PDK1: variants seen among roughly 807,000 people sequenced by gnomAD.
PDK1 encodes [Pyruvate dehydrogenase (acetyl-transferring)] kinase isozyme 1, mitochondrial.
PDK1 carries 39 observed loss-of-function variants against 54.2 expected under a neutral mutation model. The observed-to-expected ratio is 0.72, with a 90% CI of 0.56 to 0.94. PDK1 has a LOEUF of 0.94. PDK1 is among the 40% of genes least tolerant of loss of function. The pLI, the probability that PDK1 is intolerant of heterozygous loss-of-function variation, is 0.00. For synonymous variants in PDK1, 221 were observed against 207.1 expected, an observed-to-expected ratio of 1.07 and a Z score of -0.58; for missense variants, 552 against 566.0, an observed-to-expected ratio of 0.98 and a Z score of 0.25.
At chr2:172,576,128 G>T (rs570368816) in intron 8 of PDK1, among the ~76,000 whole-genome samples, 1 of 151,894 alleles carries the variant, frequency 6.6e-6, no homozygotes, top group Non-Finnish European at 1.5e-5. Flanking sequence ...GGGTTTCACC[G>T]TGTTAGCCAG....
At chr2:172,555,796 C>T (rs1302928348), upstream of PDK1, 1 of 199,644 alleles carries the variant, frequency 5.0e-6, no homozygotes, top group Non-Finnish European at 1.0e-5. Context: ...AGTCCCATCA[C>T]CCGACGTGTA....
At chr2:172,680,151 C>A in the PDK1 span, among the ~76,000 whole-genome samples, 1 of 152,172 alleles carries the variant, frequency 6.6e-6, no homozygotes, top group Non-Finnish European at 1.5e-5. Context: ...TTCTTCCTTG[C>A]ATGCTCTGTC....
chr2:172,580,458 A>G (rs1245718806), intron 8 of PDK1, among the ~76,000 whole-genome samples: 3 of 152,240 alleles, frequency 2.0e-5, no homozygotes, highest in South Asian at 2.1e-4. Flanking sequence ...TTCTATTGCT[A>G]TTATCCGTCA....
At chr2:172,653,557 C>T in the PDK1 span, among the ~76,000 whole-genome samples, 1 of 151,482 alleles carries the variant, frequency 6.6e-6, no homozygotes. Context: ...AAGCCAAGAT[C>T]GTGCCACTGC....
the PDK1 span, among the ~76,000 whole-genome samples, chr2:172,702,699 T>A: frequency 0.025 from 3,727 of 151,906 alleles, 82 homozygotes; most frequent in South Asian, 0.073. Context: ...TTCTTTTGGA[T>A]TTTGGCCCTA....
the PDK1 span, among the ~76,000 whole-genome samples, chr2:172,646,735 C>CTTTTTTTTTTT: frequency 6.4e-4 from 46 of 72,050 alleles, 4 homozygotes; most frequent in African/African-American, 1.1e-3. Flanking sequence ...CTTGCATTTC[C>CTTTTTTTTTTT]TTTTTTTTTT....
chr2:172,674,846 C>G, the PDK1 span: 15 of 152,392 alleles, frequency 9.8e-5, no homozygotes, highest in African/African-American at 3.1e-4. Flanking sequence ...GAGCCTCTCC[C>G]GGGCTGTGCG....
At chr2:172,720,381 C>T in the PDK1 span, among the ~76,000 whole-genome samples, 1 of 152,142 alleles carries the variant, frequency 6.6e-6, no homozygotes, top group African/African-American at 2.4e-5. Flanking sequence ...TCCCAAAGTT[C>T]TGGGTTTACA....
Position 172,595,940 on chromosome 2 carries a change from A to G in PDK1, c.1282A>G (p.Lys428Glu). The change falls in exon 11 of 11, where the codon AAA becomes GAA. Residue 428 changes from lysine to glutamate, a missense_variant. Physicochemically the swap from Lys to Glu is moderately conservative, Grantham distance 56 (BLOSUM62 1). Coordinates refer to ENST00000282077, the MANE Select transcript of PDK1 (RefSeq NM_002610.5). ...CTGGTGCGTCCCCAGCAGAGAACCC[A>G]AAGACATGACGACGTTCCGCAGTGC... Reference protein sequence around the residue: ...DDWCVPSREPKDMTTFRSA With the variant: ...DDWCVPSREPEDMTTFRSA 1 of 1,613,506 alleles carries G rather than the reference A, an allele frequency of 6.2e-7. No individual in the cohort carries two copies. Among genetic ancestry groups the G allele is most frequent in the Non-Finnish European group, 8.5e-7 (1 of 1,179,654 alleles).
chr2:172,705,511 G>A, the PDK1 span, among the ~76,000 whole-genome samples: 8,136 of 152,174 alleles, frequency 0.053, 413 homozygotes, highest in East Asian at 0.22. Flanking sequence ...TGTATGTTTC[G>A]CTTTACCATA....
rs1558964764 is a variant in PDK1 at position 172,601,686 on chromosome 2, A to C, written c.*5717A>C. ...TTTATAGCAGTGTGGGGATGGACTA[A>C]TACTCGCTGGGTTAGCTGGGGTAGG... On this transcript the variant is annotated 3_prime_UTR_variant, in exon 11 of 11. Transcript: ENST00000282077. The C allele has an allele frequency of 2.0e-5, 3 of 152,112 alleles. No individual in the cohort carries two copies. The highest frequency in any genetic ancestry group is 2.9e-5 in the Non-Finnish European group (2 of 68,028). 9.4% of individuals were successfully genotyped at this position (152,112 alleles called of 1,614,324 possible).
chr2:172,707,005 G>C, the PDK1 span, among the ~76,000 whole-genome samples: 1 of 152,162 alleles, frequency 6.6e-6, no homozygotes, highest in Non-Finnish European at 1.5e-5. Flanking sequence ...GGGAGTTACT[G>C]CTTCCTTTGT....
the PDK1 span, among the ~76,000 whole-genome samples, chr2:172,638,879 A>G: frequency 6.6e-6 from 1 of 152,250 alleles, no homozygotes; most frequent in Non-Finnish European, 1.5e-5. Context: ...GCATTTAAAA[A>G]TGGCATCACA....
At chr2:172,682,534 AG>A in the PDK1 span, among the ~76,000 whole-genome samples, 2 of 152,224 alleles carry the variant, frequency 1.3e-5, no homozygotes, top group South Asian at 4.1e-4. Flanking sequence ...CTGGCTAACC[AG>A]GGACCACATT....
chr2:172,635,024 T>G, the PDK1 span, among the ~76,000 whole-genome samples: 5 of 152,190 alleles, frequency 3.3e-5, no homozygotes, highest in Non-Finnish European at 7.3e-5. Context: ...ACCTAAAATG[T>G]AGACTTGCAT....
the PDK1 span, among the ~76,000 whole-genome samples, chr2:172,705,185 C>T: frequency 6.6e-6 from 1 of 152,254 alleles, no homozygotes; most frequent in East Asian, 1.9e-4. Context: ...AAAAAATGTA[C>T]AAAATTTAAT....
At chr2:172,679,386 GC>G in the PDK1 span, among the ~76,000 whole-genome samples, 1 of 152,142 alleles carries the variant, frequency 6.6e-6, no homozygotes, top group South Asian at 2.1e-4. Context: ...GTTTGAGGCT[GC>G]AGTGAGCTAT....
chr2:172,647,448 G>A, the PDK1 span, among the ~76,000 whole-genome samples: 1 of 152,034 alleles, frequency 6.6e-6, no homozygotes, highest in Non-Finnish European at 1.5e-5. Context: ...AATAATGGAG[G>A]CATGTCAAAA....
At chr2:172,699,102 T>C in the PDK1 span, among the ~76,000 whole-genome samples, 1 of 152,242 alleles carries the variant, frequency 6.6e-6, no homozygotes, top group Admixed American at 6.5e-5. Context: ...CCAGAATCTA[T>C]TGTTAGTCAA....
Sources: allele counts gnomAD v4.1 joint callset (sites outside exome capture counted in the v4.1 genomes callset), GRCh38; gene constraint gnomAD v4.1.1; transcripts MANE v1.5; gene names NCBI Gene and HGNC (gene_info 2026-07-23, HGNC 2026-07-21).